VRK1: variants seen among roughly 807,000 people sequenced by gnomAD.
VRK1 encodes the protein serine/threonine-protein kinase VRK1.
A neutral mutation model predicts 57.1 loss-of-function variants in VRK1; 33 were observed. The ratio of observed to expected loss-of-function variants is 0.58; its 90% confidence interval spans 0.44 to 0.77. The LOEUF is 0.77. VRK1 is among the 30% of genes least tolerant of loss of function. The pLI is 0.00. For synonymous variants in VRK1, 137 were observed against 147.8 expected, an observed-to-expected ratio of 0.93 and a Z score of 0.53; for missense variants, 413 against 477.3, an observed-to-expected ratio of 0.87 and a Z score of 1.25.
chr14:96,878,135 G>A (rs1438187991), intron 12 of VRK1, among the ~76,000 whole-genome samples: 2 of 151,996 alleles, frequency 1.3e-5, no homozygotes, highest in Non-Finnish European at 2.9e-5. Flanking sequence ...AGTACAATGC[G>A]AGTTAAGGTA....
rs113078731 is a variant in VRK1, at chr14:96,876,152, A to G, written c.1159+32A>G. The G allele has an allele frequency of 2.2e-5, 36 of 1,605,154 alleles. No homozygotes were observed. The African/African-American group carries it at 2.4e-4, about 11-fold the overall frequency. On this transcript the variant is annotated intron_variant, in intron 12 of 12. Coordinates refer to ENST00000216639, the MANE Select transcript of VRK1 (RefSeq NM_003384.3). ...TGAACAGTTTTGCCTAGCTGCTTTC[A>G]TAGGTAAACACAAATTTCATTTCCT...
Position 96,881,332 on chromosome 14 carries a change from G to A in VRK1, c.*124G>A. ...GTGGAAGTAATGATTAAATACTCAT[G>A]TGTTCAGAAAACATAAACTTTTTTT... On this transcript the variant is annotated 3_prime_UTR_variant, in exon 13 of 13. Transcript: ENST00000216639. 1 of 820,700 alleles carries A rather than the reference G, an allele frequency of 1.2e-6. No individual in the cohort carries two copies. The allele number at this position is 820,700 out of a possible 1,614,324, so 50.8% of individuals were successfully genotyped here.
At chr14:96,799,681 C>T (rs564376583) in intron 1 of VRK1, among the ~76,000 whole-genome samples, 1 of 152,264 alleles carries the variant, frequency 6.6e-6, no homozygotes, top group East Asian at 1.9e-4. Flanking sequence ...CCTCTTTGTG[C>T]GTGTGAGTGA....
At chr14:96,838,068 T>C (rs1339029672) in intron 3 of VRK1, among the ~76,000 whole-genome samples, 1 of 152,078 alleles carries the variant, frequency 6.6e-6, no homozygotes, top group Non-Finnish European at 1.5e-5. Context: ...GGCATGCAGA[T>C]GTGGAATAAA....
intron 11 of VRK1, among the ~76,000 whole-genome samples, chr14:96,874,835 C>G (rs544226341): frequency 9.9e-5 from 15 of 152,158 alleles, no homozygotes; most frequent in Non-Finnish European, 2.1e-4. Flanking sequence ...TGGAACAGAA[C>G]CCATGGTTGC....
intron 1 of VRK1, among the ~76,000 whole-genome samples, chr14:96,798,980 A>G (rs963558661): frequency 3.3e-5 from 5 of 152,238 alleles, no homozygotes; most frequent in African/African-American, 1.2e-4. Flanking sequence ...GTGTTAATAC[A>G]GTAACACAAC....
chr14:96,867,298 G>C (rs979404370), intron 11 of VRK1, among the ~76,000 whole-genome samples: 1 of 152,116 alleles, frequency 6.6e-6, no homozygotes, highest in Non-Finnish European at 1.5e-5. Flanking sequence ...GAAAACTAAT[G>C]TGGCTATATA....
intron 11 of VRK1, among the ~76,000 whole-genome samples, chr14:96,863,569 C>T: frequency 6.6e-6 from 1 of 152,166 alleles, no homozygotes; most frequent in South Asian, 2.1e-4. Context: ...ACTGGAATCT[C>T]ATCCCTGGAA....
chr14:96,851,937 A>C (rs1395786738), intron 5 of VRK1, among the ~76,000 whole-genome samples: 1 of 152,200 alleles, frequency 6.6e-6, no homozygotes, highest in Admixed American at 6.5e-5. Context: ...TCCTCATTGG[A>C]GATGTCCTGA....
intron 1 of VRK1, among the ~76,000 whole-genome samples, chr14:96,829,800 C>T (rs778455375): frequency 6.6e-6 from 1 of 152,088 alleles, no homozygotes; most frequent in Non-Finnish European, 1.5e-5. Flanking sequence ...ACTCTTTTCT[C>T]TCTTTTATAA....
chr14:96,862,783 A>T (rs767564017), intron 11 of VRK1, among the ~76,000 whole-genome samples: 3 of 152,118 alleles, frequency 2.0e-5, no homozygotes, highest in Non-Finnish European at 4.4e-5. Context: ...AAAACTAAAT[A>T]TGATGCTTAG....
rs146757755 is a variant in VRK1, at chr14:96,821,220, T to A, written c.-5-12247T>A. Among the ~76,000 whole-genome samples the A allele has an allele frequency of 1.3e-4, 20 of 152,320 alleles. No homozygotes were observed. In the East Asian group the frequency reaches 3.7e-3, roughly 28 times the overall value. On this transcript the variant is annotated intron_variant, in intron 1 of 12. Coordinates refer to ENST00000216639, the MANE Select transcript of VRK1 (RefSeq NM_003384.3). ...AATTTCCAGCCCCTAGCACAGTTCCTGGCACATATTTTGGAGGTATTTTAT... is the reference window on the plus strand; with the variant it reads ...AATTTCCAGCCCCTAGCACAGTTCCAGGCACATATTTTGGAGGTATTTTAT...
intron 1 of VRK1, among the ~76,000 whole-genome samples, chr14:96,799,947 CTT>C (rs776080402): frequency 6.8e-4 from 89 of 130,108 alleles, no homozygotes; most frequent in Non-Finnish European, 8.4e-4. Flanking sequence ...TAGTGTACGT[CTT>C]TTTTTTTTTT....
At chr14:96,836,803 A>T (rs1217496845) in intron 2 of VRK1, among the ~76,000 whole-genome samples, 1 of 152,094 alleles carries the variant, frequency 6.6e-6, no homozygotes, top group South Asian at 2.1e-4. Context: ...TGCTGGGATT[A>T]CAAGTGTGAG....
chr14:96,817,338 TTTTAA>T (rs1266871924), intron 1 of VRK1, among the ~76,000 whole-genome samples: 4 of 152,166 alleles, frequency 2.6e-5, no homozygotes, highest in Non-Finnish European at 5.9e-5. Flanking sequence ...TTGCAGGTAT[TTTTAA>T]TTTGTTTTTT....
At chr14:96,859,343 G>A (rs940384547) in intron 10 of VRK1, among the ~76,000 whole-genome samples, 1 of 152,106 alleles carries the variant, frequency 6.6e-6, no homozygotes, top group African/African-American at 2.4e-5. Flanking sequence ...TACATCTTCT[G>A]TTCCACTCTT....
intron 11 of VRK1, among the ~76,000 whole-genome samples, chr14:96,862,121 A>G (rs1201150333): frequency 6.6e-6 from 1 of 151,862 alleles, no homozygotes; most frequent in Non-Finnish European, 1.5e-5. Flanking sequence ...TTCCTTTGCA[A>G]ATCCCTTTGT....
Position 96,838,972 on chromosome 14 carries a change from T to A in VRK1, c.216+1155T>A, listed in dbSNP as rs78459450. On this transcript the variant is annotated intron_variant, in intron 3 of 12. Transcript: ENST00000216639. ...TTGACAAGCACATATACCTGTGTAA[T>A]CCTCACCTCTTAAAATGTAGAGCAT... Among the ~76,000 whole-genome samples the A allele has an allele frequency of 6.0e-3, 918 of 152,188 alleles. 5 individuals carry two copies. Among genetic ancestry groups the A allele is most frequent in the Non-Finnish European group, 8.9e-3 (605 of 67,990 alleles).
intron 7 of VRK1, 73 bp downstream of exon 7, chr14:96,853,239 T>A (rs1888021294): frequency 7.5e-7 from 1 of 1,342,070 alleles, no homozygotes. Context: ...TTTGAACTTT[T>A]GAACCTGTGT....
Sources: allele counts gnomAD v4.1 joint callset (sites outside exome capture counted in the v4.1 genomes callset), GRCh38; gene constraint gnomAD v4.1.1; transcripts MANE v1.5; gene names NCBI Gene and HGNC (gene_info 2026-07-23, HGNC 2026-07-21).